EMILIN2: variants seen among roughly 807,000 people sequenced by gnomAD.
EMILIN2 encodes the protein EMILIN-2.
A neutral mutation model predicts 87.1 loss-of-function variants in EMILIN2; 71 were observed. That is an observed-to-expected ratio of 0.82 (90% CI 0.67 to 0.99). The LOEUF (loss-of-function observed/expected upper bound fraction) is 0.99. Among genes scored for constraint, EMILIN2 ranks in the 50% least tolerant of loss-of-function variants. EMILIN2 has a pLI of 0.00. For missense variants in EMILIN2, 1,407 were observed against 1,371.8 expected (o/e 1.03, Z -0.40); for synonymous variants, 581 against 563.4 (o/e 1.03, Z -0.44).
chr18:2,908,964 T>G lies in EMILIN2; in HGVS notation c.2684T>G (p.Val895Gly). Residue 895 changes from valine (V) to glycine (G), a missense_variant, in exon 6 of 8, where the codon GTA (valine) becomes GGA (glycine). Coordinates refer to ENST00000254528, the MANE Select transcript of EMILIN2 (RefSeq NM_032048.3). ...GAPGYPKSPP[V>G]ASPGAPVPSL... Reference sequence around the variant, plus strand: ...TCAGGATACCCGAAGTCACCTCCTGTAGCTTCCCCAGGTATGTCTGCTGAG... The same window carrying G: ...TCAGGATACCCGAAGTCACCTCCTGGAGCTTCCCCAGGTATGTCTGCTGAG... The G allele has an allele frequency of 6.2e-7, 1 of 1,613,498 alleles. No individual in the cohort carries two copies. Among genetic ancestry groups the G allele is most frequent in the Admixed American group, 1.7e-5 (1 of 60,032 alleles).
At chr18:2,876,690 C>T (rs191467806) in intron 2 of EMILIN2, among the ~76,000 whole-genome samples, 33,899 of 150,632 alleles carry the variant, frequency 0.23, 4,006 homozygotes, top group Admixed American at 0.28. Context: ...GGCGTGAACC[C>T]GGGAGGCGGA....
intron 2 of EMILIN2, among the ~76,000 whole-genome samples, chr18:2,863,223 G>A (rs1255480975): frequency 6.6e-6 from 1 of 152,064 alleles, no homozygotes; most frequent in African/African-American, 2.4e-5. Flanking sequence ...ATTTCCTTCA[G>A]TTCTGCTCTG....
At chr18:2,875,098 G>A (rs2076740704) in intron 2 of EMILIN2, among the ~76,000 whole-genome samples, 1 of 152,202 alleles carries the variant, frequency 6.6e-6, no homozygotes, top group South Asian at 2.1e-4. Context: ...CCTTGAAGAG[G>A]GAGGGGTGCC....
At chr18:2,879,203 A>C (rs924489793) in intron 2 of EMILIN2, among the ~76,000 whole-genome samples, 6 of 152,196 alleles carry the variant, frequency 3.9e-5, no homozygotes, top group African/African-American at 1.4e-4. Context: ...CAACAGTCTC[A>C]TGAATCCCCA....
intron 3 of EMILIN2, among the ~76,000 whole-genome samples, chr18:2,889,926 GT>G (rs901576896): frequency 6.6e-6 from 1 of 152,070 alleles, no homozygotes; most frequent in Non-Finnish European, 1.5e-5. Context: ...CTTTATCTCT[GT>G]TGCTTTTTGT....
intron 4 of EMILIN2, among the ~76,000 whole-genome samples, chr18:2,898,895 T>C (rs1011617247): frequency 6.6e-6 from 1 of 152,202 alleles, no homozygotes; most frequent in Non-Finnish European, 1.5e-5. Context: ...AAATTGCTTA[T>C]ATTCAGGCCA....
chr18:2,891,503 T>C lies in EMILIN2; in HGVS notation c.1376T>C (p.Val459Ala), dbSNP rs763681654. 3 of 1,614,188 alleles carry C rather than the reference T, an allele frequency of 1.9e-6. No individual in the cohort carries two copies. The highest frequency in any genetic ancestry group is 1.7e-6 in the Non-Finnish European group (2 of 1,180,032). The change falls in exon 4 of 8, where the codon GTG (valine) becomes GCG (alanine). Residue 459 changes from valine (V) to alanine (A), a missense_variant. By Grantham distance (64) the Val-to-Ala change is moderately conservative. Transcript: ENST00000254528. The surrounding 1 kb of genome is among the most constrained non-coding windows in gnomAD (Gnocchi z 4.6). ...KWNELDARIN[V>A]TEKNAEEHCF... ...AATGAACTCGATGCAAGGATCAATG[T>C]GACGGAGAAGAACGCTGAAGAACAT... is the stretch of plus-strand genomic sequence containing the variant.
rs749019890 is a variant in EMILIN2, at chr18:2,880,743, G to A, written c.258-4221G>A. ...CGTGTGCTCACAGCCCGGGGCCCCT[G>A]GGGATGCTTGGGCCGCCTGTCTCTG... On this transcript the variant is annotated intron_variant, in intron 2 of 7. Coordinates refer to ENST00000254528, the MANE Select transcript of EMILIN2 (RefSeq NM_032048.3). The surrounding 1 kb of genome is among the most constrained non-coding windows in gnomAD (Gnocchi z 4.1). 2.0e-5 allele frequency among the ~76,000 whole-genome samples: 3 copies of A among 152,164 alleles called. No individual in the cohort carries two copies. Among genetic ancestry groups the A allele is most frequent in the Non-Finnish European group, 2.9e-5 (2 of 68,030 alleles).
At chr18:2,888,714 C>CA (rs530260960) in intron 3 of EMILIN2, among the ~76,000 whole-genome samples, 5,132 of 81,796 alleles carry the variant, frequency 0.063, 342 homozygotes, top group African/African-American at 0.17. Context: ...GATTCTGTCT[C>CA]AAAAAAAAAA....
chr18:2,860,316 C>T (rs371673587), intron 2 of EMILIN2, among the ~76,000 whole-genome samples: 2 of 151,974 alleles, frequency 1.3e-5, no homozygotes, highest in South Asian at 2.1e-4. Context: ...ATACATGTGC[C>T]GTGTTGGTGT....
rs538228450 is a variant in EMILIN2 at position 2,867,074 on chromosome 18, G to A, written c.258-17890G>A. On this transcript the variant is annotated intron_variant, in intron 2 of 7. Coordinates refer to ENST00000254528, the MANE Select transcript of EMILIN2 (RefSeq NM_032048.3). ...ACTTGATATGGTGGCTTATCTTTTC[G>A]ATATGCTGTTGGTTTGGTTAGCTAG... Among the ~76,000 whole-genome samples, 88 of 152,178 alleles carry A rather than the reference G, an allele frequency of 5.8e-4. 2 individuals are homozygous for A. Among genetic ancestry groups the A allele is most frequent in the African/African-American group, 1.9e-3 (80 of 41,522 alleles).
rs112872571 is a variant in EMILIN2, at chr18:2,886,503, G to A, written c.433+1364G>A. 2.9e-3 allele frequency among the ~76,000 whole-genome samples: 434 copies of A among 152,086 alleles called. 1 individual carries two copies. Among genetic ancestry groups the A allele is most frequent in the Middle Eastern group, 0.014 (4 of 294 alleles). On this transcript the variant is annotated intron_variant, in intron 3 of 7. Coordinates refer to ENST00000254528, the MANE Select transcript of EMILIN2 (RefSeq NM_032048.3). The stretch of plus-strand genomic sequence containing the variant: ...TTAAACTCTTCAGATGAATCTTTTG[G>A]AATTTACCTCCATATCTATTGGTTT...
In EMILIN2 at chr18:2,847,730, G is replaced by A. The variant is rs1598481877; in HGVS notation, c.135-79G>A. The A allele has an allele frequency of 6.5e-7, 1 of 1,542,144 alleles. No homozygotes were observed. The highest frequency in any genetic ancestry group is 1.9e-5 in the Admixed American group (1 of 53,210). ...CCCCCCGACCCTCGCTCGGTCTGGT[G>A]CCGCAGTCCCCTCTCCCCTGGCCTC... On this transcript the variant is annotated intron_variant, in intron 1 of 7. Transcript: ENST00000254528. The surrounding 1 kb of genome is among the most constrained non-coding windows in gnomAD (Gnocchi z 4.5).
Position 2,890,649 on chromosome 18 carries a change from G to A in EMILIN2, c.522G>A (p.Glu174=). The part of the protein sequence containing the change: ...AQPSWGVDPK[E]GPQELQEKKI... ...CAAGCTGGGGGGTAGATCCAAAAGA[G>A]GGGCCTCAGGAACTTCAGGAAAAGA... Residue 174 remains glutamate, a synonymous_variant, in exon 4 of 8, where the codon GAG becomes GAA. Coordinates refer to ENST00000254528, the MANE Select transcript of EMILIN2 (RefSeq NM_032048.3). The surrounding 1 kb of genome is among the most constrained non-coding windows in gnomAD (Gnocchi z 4.7). 6 of 1,614,082 alleles carry A rather than the reference G, an allele frequency of 3.7e-6. No individual in the cohort carries two copies. Among genetic ancestry groups the A allele is most frequent in the Non-Finnish European group, 5.1e-6 (6 of 1,179,932 alleles).
chr18:2,906,229 C>T (rs930391282), intron 4 of EMILIN2: 1 of 152,208 alleles, frequency 6.6e-6, no homozygotes, highest in African/African-American at 2.4e-5. Context: ...GAGACGCACG[C>T]CAGGAGCTTC....
At chr18:2,883,667 G>A (rs935481317) in intron 2 of EMILIN2, among the ~76,000 whole-genome samples, 2 of 152,200 alleles carry the variant, frequency 1.3e-5, no homozygotes, top group Non-Finnish European at 2.9e-5. Flanking sequence ...GCCCAGGCCC[G>A]GCCTTGAGTC....
chr18:2,900,004 C>T (rs1229468068), intron 4 of EMILIN2, among the ~76,000 whole-genome samples: 1 of 152,156 alleles, frequency 6.6e-6, no homozygotes, highest in Admixed American at 6.5e-5. Context: ...AATTTAGACG[C>T]ATTTTCTATA....
intron 2 of EMILIN2, among the ~76,000 whole-genome samples, chr18:2,873,239 C>T (rs1168879476): frequency 6.6e-6 from 1 of 151,594 alleles, no homozygotes; most frequent in Non-Finnish European, 1.5e-5. Context: ...GGCGAAACCC[C>T]ATCTCTACTA....
intron 4 of EMILIN2, among the ~76,000 whole-genome samples, chr18:2,895,935 T>A (rs1232441588): frequency 2.0e-5 from 3 of 152,188 alleles, no homozygotes; most frequent in African/African-American, 7.2e-5. Flanking sequence ...AGTAAGCAGA[T>A]CGCCAGACCG....
Sources: gnomAD v4.1 joint callset for allele counts (sites outside exome capture counted in the v4.1 genomes callset) on GRCh38, gnomAD v4.1.1 for gene constraint, Gnocchi (gnomAD v3.1) non-coding constraint, MANE v1.5 for transcripts, NCBI Gene and HGNC (gene_info 2026-07-23, HGNC 2026-07-21) for gene names.